Variants in PCDHA2 observed in about 807,000 individuals in gnomAD.
The protein encoded by PCDHA2 is protocadherin alpha-2.
Under a neutral mutation model 66.0 loss-of-function variants are expected in PCDHA2, and 58 were observed. The observed-to-expected ratio is 0.88, with a 90% CI of 0.71 to 1.09. The LOEUF is 1.09. PCDHA2 is among the 50% of genes least tolerant of loss of function. PCDHA2 has a pLI of 0.00. For synonymous variants in PCDHA2, 634 were observed against 554.0 expected, an observed-to-expected ratio of 1.14 and a Z score of -2.03; for missense variants, 1,267 against 1,242.3, an observed-to-expected ratio of 1.02 and a Z score of -0.30.
intron 1 of PCDHA2, among the ~76,000 whole-genome samples, chr5:140,975,553 G>A (rs990389718): frequency 6.6e-6 from 1 of 152,226 alleles, no homozygotes; most frequent in Non-Finnish European, 1.5e-5. Flanking sequence ...TATTAGGAAG[G>A]AAAAGGAGAT....
chr5:140,927,218 A>T, intron 1 of PCDHA2: 1 of 1,614,090 alleles, frequency 6.2e-7, no homozygotes, highest in Non-Finnish European at 8.5e-7. Flanking sequence ...GAGCTGCACA[A>T]GATTCGGATT....
chr5:140,964,785 C>T (rs890090665), intron 1 of PCDHA2, among the ~76,000 whole-genome samples: 2 of 151,408 alleles, frequency 1.3e-5, no homozygotes, highest in East Asian at 3.9e-4. Context: ...GAGGAAGAAG[C>T]CAGAGACCCA....
At chr5:140,835,194 G>A in intron 1 of PCDHA2, 1 of 1,544,758 alleles carries the variant, frequency 6.5e-7, no homozygotes, top group Non-Finnish European at 8.8e-7. Context: ...AGATTTAGAC[G>A]AAGGCTTGAA....
chr5:140,797,299 G>T lies in PCDHA2; in HGVS notation c.2335G>T (p.Gly779Cys), dbSNP rs1554120391. ...GGCCTTCAGCCCTAGCTTATCTCAA[G>T]GTCCAGACTCCGCAGAAGAGAAACA... ...LMAFSPSLSQ[G>C]PDSAEEKQLS... The change falls in exon 1 of 4, where the codon GGT becomes TGT. Residue 779 changes from glycine (G) to cysteine (C), a missense_variant. Physicochemically the swap from Gly to Cys is radical, Grantham distance 159 (BLOSUM62 -3). Transcript: ENST00000526136. 1.2e-6 allele frequency: 2 copies of T among 1,614,192 alleles called. No individual in the cohort carries two copies. Among genetic ancestry groups the T allele is most frequent in the Non-Finnish European group, 1.7e-6 (2 of 1,180,038 alleles).
rs533995955 is a variant in PCDHA2, at chr5:140,975,833, A to T, written c.2389-3116A>T. On this transcript the variant is annotated intron_variant, in intron 1 of 3. Coordinates refer to ENST00000526136, the MANE Select transcript of PCDHA2 (RefSeq NM_018905.3). ...TTAATAGGAACTGAAGTGTATTCTT[A>T]TTCTTCAGTAATACTACATCACCCA... 2.6e-5 allele frequency among the ~76,000 whole-genome samples: 4 copies of T among 152,336 alleles called. No individual in the cohort carries two copies. In the South Asian group the frequency reaches 8.3e-4, roughly 32 times the overall value.
intron 1 of PCDHA2, among the ~76,000 whole-genome samples, chr5:140,947,608 A>G (rs1381677530): frequency 3.3e-5 from 5 of 151,684 alleles, no homozygotes; most frequent in Non-Finnish European, 7.4e-5. Flanking sequence ...AAGATTTGGT[A>G]TCTTAACAAT....
rs1465776999 is a variant in PCDHA2 at position 140,824,628 on chromosome 5, TTTTTA to T, written c.2388+27281_2388+27285del. ...AATTAAAGTTTTTTTTTTTTTTTTT[TTTTTA>T]TTTTCTGTAGAGATAGGGGTCTTGC... On this transcript the variant is annotated intron_variant, in intron 1 of 3. Coordinates refer to ENST00000526136, the MANE Select transcript of PCDHA2 (RefSeq NM_018905.3). The T allele has an allele frequency of 8.8e-4, 116 of 131,430 alleles. 1 individual carries two copies. Among genetic ancestry groups the T allele is most frequent in the African/African-American group, 3.0e-3 (87 of 28,634 alleles). 8.1% of individuals were successfully genotyped at this position (131,430 alleles called of 1,614,324 possible). A position where few individuals can be genotyped will look rare whatever the true frequency, so the allele number is the denominator to read the frequency against.
chr5:140,932,562 G>A lies in PCDHA2; in HGVS notation c.2389-46387G>A, dbSNP rs566002035. The stretch of plus-strand genomic sequence containing the variant: ...TTATTTAACATACATTCCACAAGTA[G>A]ACTTTCCCATAGGGTAATTAGATGT... On this transcript the variant is annotated intron_variant, in intron 1 of 3. Coordinates refer to ENST00000526136, the MANE Select transcript of PCDHA2 (RefSeq NM_018905.3). Among the ~76,000 whole-genome samples the A allele has an allele frequency of 1.9e-4, 29 of 151,988 alleles. No individual in the cohort carries two copies. The South Asian group carries it at 6.0e-3, about 32-fold the overall frequency.
intron 3 of PCDHA2, among the ~76,000 whole-genome samples, chr5:141,006,862 A>G (rs1188678069): frequency 4.6e-5 from 7 of 152,244 alleles, no homozygotes; most frequent in Non-Finnish European, 1.0e-4. Flanking sequence ...TTAGAAAGGA[A>G]TAGATTCGAG....
At chr5:140,864,459 C>CT (rs1474178285) in intron 1 of PCDHA2, 1 of 152,180 alleles carries the variant, frequency 6.6e-6, no homozygotes, top group Non-Finnish European at 1.5e-5. Context: ...CAATATCCAT[C>CT]TTTTTTGAGA....
At chr5:140,829,891 C>T (rs1554132360) in intron 1 of PCDHA2, 6 of 1,613,952 alleles carry the variant, frequency 3.7e-6, no homozygotes, top group Admixed American at 1.7e-5. Flanking sequence ...TTGACGCCGA[C>T]TCAGGCTACA....
chr5:140,871,171 G>GCTGC (rs782249857), intron 1 of PCDHA2: 2 of 1,613,534 alleles, frequency 1.2e-6, no homozygotes, highest in Non-Finnish European at 1.7e-6. Flanking sequence ...GAGCCCAGAG[G>GCTGC]CTGCGCTGGT....
At chr5:140,897,762 A>G (rs572488219) in intron 1 of PCDHA2, among the ~76,000 whole-genome samples, 1 of 152,324 alleles carries the variant, frequency 6.6e-6, no homozygotes, top group East Asian at 1.9e-4. Flanking sequence ...AGGAATCGCC[A>G]CACTGACTTC....
chr5:140,912,145 C>T (rs561351882), intron 1 of PCDHA2, among the ~76,000 whole-genome samples: 1 of 152,302 alleles, frequency 6.6e-6, no homozygotes, highest in African/African-American at 2.4e-5. Flanking sequence ...CCATGTTCTT[C>T]TGCCTGTTTT....
At chr5:140,992,187 G>C (rs1395618041) in intron 3 of PCDHA2, among the ~76,000 whole-genome samples, 1 of 152,118 alleles carries the variant, frequency 6.6e-6, no homozygotes, top group Non-Finnish European at 1.5e-5. Flanking sequence ...CATGCTTTCA[G>C]TGATCTATCC....
intron 1 of PCDHA2, among the ~76,000 whole-genome samples, chr5:140,953,076 T>C (rs1276914822): frequency 6.6e-6 from 1 of 152,106 alleles, no homozygotes; most frequent in East Asian, 1.9e-4. Flanking sequence ...ATCTCCAACA[T>C]TGGGGATTAC....
intron 1 of PCDHA2, chr5:140,828,707 C>T: frequency 6.2e-7 from 1 of 1,614,222 alleles, no homozygotes; most frequent in South Asian, 1.1e-5. Context: ...AGAGGAAGCT[C>T]CTGCACACAA....
rs1032326497 is a variant in PCDHA2, at chr5:140,858,875, C to A, written c.2388+61523C>A. ...TATCTCTTCAGTGAAAATGTGTTTT[C>A]CTCCATGTGTAGAATATGTGTAGCG... On this transcript the variant is annotated intron_variant, in intron 1 of 3. Transcript: ENST00000526136. 1.2e-5 allele frequency: 3 copies of A among 246,542 alleles called. No homozygotes were observed. The East Asian group carries it at 3.3e-4, about 27-fold the overall frequency. 15.3% of individuals were successfully genotyped at this position (246,542 alleles called of 1,614,324 possible).
intron 1 of PCDHA2, chr5:140,876,774 G>C: frequency 3.7e-6 from 6 of 1,614,228 alleles, no homozygotes; most frequent in Non-Finnish European, 5.1e-6. Flanking sequence ...GCTCGCCTTC[G>C]CTGTGGGCCA....
Sources: gnomAD v4.1 joint callset for allele counts (sites outside exome capture counted in the v4.1 genomes callset) on GRCh38, gnomAD v4.1.1 for gene constraint, MANE v1.5 for transcripts, NCBI Gene and HGNC (gene_info 2026-07-23, HGNC 2026-07-21) for gene names.